SHC3: variants seen among roughly 807,000 people sequenced by gnomAD.
SHC3 encodes the protein SHC-transforming protein 3.
SHC3 carries 15 observed loss-of-function variants against 60.4 expected under a neutral mutation model. That is an observed-to-expected ratio of 0.25 (90% confidence interval 0.17 to 0.38). The LOEUF (loss-of-function observed/expected upper bound fraction) is 0.38, where lower values mean the gene tolerates loss of function less well. Ranked by LOEUF, SHC3 falls within the 10% of genes least tolerant of loss-of-function variation. The pLI, the probability that SHC3 is intolerant of heterozygous loss-of-function variation, is 1.00. For missense variants in SHC3, 677 were observed against 786.1 expected (o/e 0.86, Z 1.66); for synonymous variants, 294 against 325.9 (o/e 0.90, Z 1.05).
chr9:89,102,980 G>T (rs1312487012), intron 2 of SHC3, among the ~76,000 whole-genome samples: 10 of 152,200 alleles, frequency 6.6e-5, no homozygotes, highest in Non-Finnish European at 1.5e-4. Context: ...AGCCTGGAGG[G>T]TGATGGTGGG....
intron 1 of SHC3, among the ~76,000 whole-genome samples, chr9:89,136,945 G>A (rs1285346332): frequency 6.6e-6 from 1 of 152,042 alleles, no homozygotes; most frequent in Non-Finnish European, 1.5e-5. Flanking sequence ...AAGCATAGTT[G>A]GGGAGGCCTC....
intron 2 of SHC3, among the ~76,000 whole-genome samples, chr9:89,078,979 G>A (rs565910118): frequency 6.6e-6 from 1 of 152,310 alleles, no homozygotes; most frequent in South Asian, 2.1e-4. Flanking sequence ...ACAACACAGT[G>A]CTTTGAAGAG....
chr9:89,029,834 G>T (rs994170289), intron 11 of SHC3, among the ~76,000 whole-genome samples: 1 of 152,234 alleles, frequency 6.6e-6, no homozygotes, highest in Admixed American at 6.5e-5. Flanking sequence ...AAGTACATAT[G>T]TAATGCAATG....
At chr9:89,118,023 T>C (rs1826040943) in intron 1 of SHC3, among the ~76,000 whole-genome samples, 1 of 152,174 alleles carries the variant, frequency 6.6e-6, no homozygotes, top group Non-Finnish European at 1.5e-5. Context: ...CTGTCTCTTG[T>C]ATGTATTTTT....
intron 1 of SHC3, among the ~76,000 whole-genome samples, chr9:89,167,974 A>T (rs1826814245): frequency 6.6e-6 from 1 of 152,148 alleles, no homozygotes; most frequent in South Asian, 2.1e-4. Context: ...TTCCAGGGGC[A>T]GGCGGCCACC....
intron 9 of SHC3, among the ~76,000 whole-genome samples, chr9:89,043,690 C>T (rs888417560): frequency 2.0e-5 from 3 of 151,330 alleles, no homozygotes; most frequent in African/African-American, 7.3e-5. Context: ...CTCATTCTGT[C>T]ACCCAGGCTG....
intron 7 of SHC3, among the ~76,000 whole-genome samples, chr9:89,051,285 C>T (rs1466375888): frequency 6.6e-6 from 1 of 152,162 alleles, no homozygotes; most frequent in African/African-American, 2.4e-5. Context: ...CAATCAAGGA[C>T]AGAATACTGA....
At chr9:89,151,515 G>T (rs777342475) in intron 1 of SHC3, among the ~76,000 whole-genome samples, 10 of 152,116 alleles carry the variant, frequency 6.6e-5, no homozygotes, top group Non-Finnish European at 1.2e-4. Flanking sequence ...CATTGAATTT[G>T]CTGGTGTTTT....
At position 89,041,845 on chromosome 9, in the gene SHC3, G is replaced by C. The variant is rs535689400; in HGVS notation, c.1360+181C>G. Among the ~76,000 whole-genome samples the C allele has an allele frequency of 9.8e-5, 15 of 152,322 alleles. No individual in the cohort carries two copies. The South Asian group carries it at 1.7e-3, about 17-fold the overall frequency. ...AATTGCTCTGTCTCTTGACTACAGA[G>C]AGGGCTATAATCCTAAAGCCTTAAA... On this transcript the variant is annotated intron_variant, in intron 10 of 11. Transcript: ENST00000375835.
chr9:89,096,554 A>T (rs79784707), intron 2 of SHC3, among the ~76,000 whole-genome samples: 4,115 of 152,350 alleles, frequency 0.027, 101 homozygotes, highest in African/African-American at 0.057. Context: ...GACTGCAAAT[A>T]TGTGCAAAAT....
At chr9:89,054,591 GGCAGTCATCCA>G (rs1362575658) in intron 6 of SHC3, among the ~76,000 whole-genome samples, 2 of 152,182 alleles carry the variant, frequency 1.3e-5, no homozygotes, top group African/African-American at 4.8e-5. Flanking sequence ...CTTCCCCAAA[GGCAGTCATCCA>G]GCCTGCTGGG....
intron 1 of SHC3, among the ~76,000 whole-genome samples, chr9:89,125,787 G>A (rs1826155689): frequency 6.6e-6 from 1 of 152,066 alleles, no homozygotes; most frequent in African/African-American, 2.4e-5. Flanking sequence ...GTCTTAAAAG[G>A]GAAGGAACCC....
intron 1 of SHC3, among the ~76,000 whole-genome samples, chr9:89,159,255 T>C (rs570194299): frequency 6.6e-6 from 1 of 152,282 alleles, no homozygotes; most frequent in South Asian, 2.1e-4. Flanking sequence ...ACTCTACAGA[T>C]AGAATATAGG....
At chr9:89,087,492 G>A (rs1189243431) in intron 2 of SHC3, among the ~76,000 whole-genome samples, 1 of 152,178 alleles carries the variant, frequency 6.6e-6, no homozygotes, top group Non-Finnish European at 1.5e-5. Context: ...GGGGGACGAG[G>A]TCCACCACAG....
chr9:89,099,462 A>T (rs960217905), intron 2 of SHC3, among the ~76,000 whole-genome samples: 1 of 152,234 alleles, frequency 6.6e-6, no homozygotes, highest in African/African-American at 2.4e-5. Flanking sequence ...TGTAGGTGAT[A>T]CAGCAGCTTT....
chr9:89,117,217 C>T (rs565340284), intron 1 of SHC3, among the ~76,000 whole-genome samples: 10 of 152,302 alleles, frequency 6.6e-5, no homozygotes, highest in African/African-American at 2.4e-4. Flanking sequence ...GCACCAACGT[C>T]GCAGACCTGA....
intron 1 of SHC3, among the ~76,000 whole-genome samples, chr9:89,153,125 T>C (rs990419661): frequency 1.3e-5 from 2 of 152,232 alleles, no homozygotes; most frequent in South Asian, 2.1e-4. Flanking sequence ...ACTATGTATG[T>C]TGTGCTCAGT....
intron 1 of SHC3, among the ~76,000 whole-genome samples, chr9:89,123,100 G>T (rs1034597354): frequency 2.0e-5 from 3 of 152,132 alleles, no homozygotes; most frequent in African/African-American, 4.8e-5. Flanking sequence ...TTTCCCTATT[G>T]CACATGCATG....
At chr9:89,021,576 G>A (rs540511099) in intron 11 of SHC3, among the ~76,000 whole-genome samples, 1 of 152,294 alleles carries the variant, frequency 6.6e-6, no homozygotes, top group East Asian at 1.9e-4. Flanking sequence ...AGGAAGTACC[G>A]CAGGAAAGTG....
Sources: gnomAD v4.1 joint callset for allele counts (sites outside exome capture counted in the v4.1 genomes callset) on GRCh38, gnomAD v4.1.1 for gene constraint, MANE v1.5 for transcripts, NCBI Gene and HGNC (gene_info 2026-07-23, HGNC 2026-07-21) for gene names.